Variants in NRXN1 observed in about 807,000 individuals in gnomAD.
NRXN1 encodes the protein neurexin 1, also known as neurexin-1.
In NRXN1, 39 loss-of-function variants were observed where a neutral mutation model predicts 150.9. The ratio of observed to expected loss-of-function variants is 0.26; its 90% confidence interval spans 0.20 to 0.34. The LOEUF (loss-of-function observed/expected upper bound fraction) is 0.34, where lower values mean the gene tolerates loss of function less well. NRXN1 is among the 10% of genes least tolerant of loss of function. The probability of loss-of-function intolerance (pLI) is 1.00; values close to 1 mark genes in which losing one functional copy is unlikely to be tolerated. For missense variants in NRXN1, 1,815 were observed against 1,949.9 expected (o/e 0.93, Z 1.30); for synonymous variants, 924 against 757.0 (o/e 1.22, Z -3.62).
intron 5 of NRXN1, among the ~76,000 whole-genome samples, chr2:50,844,580 A>C (rs1673360752): frequency 6.6e-6 from 1 of 152,206 alleles, no homozygotes; most frequent in South Asian, 2.1e-4. Flanking sequence ...CATTTCTTAC[A>C]AAAAGAGAAG....
intron 5 of NRXN1, among the ~76,000 whole-genome samples, chr2:50,767,390 T>C (rs1302611477): frequency 1.3e-5 from 2 of 152,108 alleles, no homozygotes; most frequent in East Asian, 1.9e-4. Flanking sequence ...AATTCATTAA[T>C]TTTAAAATCT....
At chr2:50,994,349 A>G (rs535010300) in intron 2 of NRXN1, among the ~76,000 whole-genome samples, 1 of 152,184 alleles carries the variant, frequency 6.6e-6, no homozygotes, top group South Asian at 2.1e-4. Context: ...ACACTTATTA[A>G]AAGAAAAAAT....
At chr2:50,922,521 T>C (rs1686193906) in intron 4 of NRXN1, 137 bp downstream of exon 4, 1 of 855,938 alleles carries the variant, frequency 1.2e-6, no homozygotes, top group African/African-American at 1.7e-5. Context: ...CATGAAAAAA[T>C]GTGAACAAAA....
intron 17 of NRXN1, among the ~76,000 whole-genome samples, chr2:50,309,999 C>T (rs1323488144): frequency 1.3e-5 from 2 of 152,168 alleles, no homozygotes; most frequent in Non-Finnish European, 2.9e-5. Flanking sequence ...TAAAAGAAAG[C>T]TTGCTATGTT....
intron 18 of NRXN1, among the ~76,000 whole-genome samples, chr2:50,187,937 C>G (rs1263558638): frequency 2.6e-5 from 4 of 151,972 alleles, no homozygotes; most frequent in Non-Finnish European, 5.9e-5. Flanking sequence ...GATTTTGTAT[C>G]CTGAGACTTT....
chr2:50,058,961 C>T (rs1288023590), intron 19 of NRXN1, among the ~76,000 whole-genome samples: 1 of 152,070 alleles, frequency 6.6e-6, no homozygotes, highest in Non-Finnish European at 1.5e-5. Flanking sequence ...TTCTTCACAG[C>T]AGTATGAAAA....
At chr2:50,414,644 A>C (rs2083413646) in intron 17 of NRXN1, among the ~76,000 whole-genome samples, 1 of 151,876 alleles carries the variant, frequency 6.6e-6, no homozygotes, top group Admixed American at 6.6e-5. Context: ...AATCATAATC[A>C]CTCCTAAAGT....
intron 17 of NRXN1, among the ~76,000 whole-genome samples, chr2:50,267,099 G>A (rs913396719): frequency 1.3e-5 from 2 of 152,108 alleles, no homozygotes; most frequent in African/African-American, 4.8e-5. Flanking sequence ...TGCTCTGTGA[G>A]GTTGTCAGAA....
chr2:50,280,817 A>C (rs905184939), intron 17 of NRXN1, among the ~76,000 whole-genome samples: 1 of 152,136 alleles, frequency 6.6e-6, no homozygotes, highest in Non-Finnish European at 1.5e-5. Context: ...GAAGAATATG[A>C]TTAATGAAAG....
chr2:51,017,469 G>A (rs1229217733), intron 2 of NRXN1, among the ~76,000 whole-genome samples: 1 of 137,718 alleles, frequency 7.3e-6, no homozygotes, highest in African/African-American at 2.7e-5. Flanking sequence ...CTGACTAGCT[G>A]GGACTACAAT....
chr2:51,002,689 A>G (rs567136706), intron 2 of NRXN1, among the ~76,000 whole-genome samples: 1 of 152,050 alleles, frequency 6.6e-6, no homozygotes, highest in East Asian at 1.9e-4. Context: ...GAAATATTAC[A>G]TCATACATGC....
At chr2:50,697,157 A>G (rs1693022910) in intron 5 of NRXN1, among the ~76,000 whole-genome samples, 3 of 152,294 alleles carry the variant, frequency 2.0e-5, no homozygotes, top group South Asian at 4.1e-4. Flanking sequence ...GAGAAATAAA[A>G]TATACTTTAC....
At chr2:50,098,830 G>GTGTTTTTTTTTTTTGGT (rs1700590439) in intron 18 of NRXN1, among the ~76,000 whole-genome samples, 1 of 105,542 alleles carries the variant, frequency 9.5e-6, no homozygotes, top group African/African-American at 3.5e-5. Context: ...TTTGGTTTTA[G>GTGTTTTTTTTTTTTGGT]TTTTTTTTTT....
intron 5 of NRXN1, among the ~76,000 whole-genome samples, chr2:50,701,007 T>G (rs536147879): frequency 6.6e-6 from 1 of 152,134 alleles, no homozygotes; most frequent in East Asian, 1.9e-4. Context: ...GTCCGAAGGG[T>G]GCTTCTTCCA....
At chr2:50,699,369 T>C (rs1305426045) in intron 5 of NRXN1, among the ~76,000 whole-genome samples, 1 of 152,188 alleles carries the variant, frequency 6.6e-6, no homozygotes, top group Non-Finnish European at 1.5e-5. Flanking sequence ...ATTAATGTTA[T>C]AGATCTAGAA....
chr2:50,181,223 A>C (rs1423735300), intron 18 of NRXN1, among the ~76,000 whole-genome samples: 2 of 149,080 alleles, frequency 1.3e-5, no homozygotes, highest in Non-Finnish European at 3.0e-5. Flanking sequence ...GAAAACATGA[A>C]ACAATTTAAT....
At chr2:50,640,686 G>T (rs1240465286) in intron 5 of NRXN1, among the ~76,000 whole-genome samples, 1 of 152,174 alleles carries the variant, frequency 6.6e-6, no homozygotes, top group Non-Finnish European at 1.5e-5. Flanking sequence ...AATATCATCT[G>T]AGAGTAATAT....
At chr2:50,905,793 C>CA (rs1574890131) in intron 5 of NRXN1, among the ~76,000 whole-genome samples, 1 of 152,030 alleles carries the variant, frequency 6.6e-6, no homozygotes, top group East Asian at 1.9e-4. Flanking sequence ...TTATGTTCCA[C>CA]AAAGGGCTTT....
chr2:50,850,511 CCTT>C (rs2105973960), intron 5 of NRXN1, among the ~76,000 whole-genome samples: 1 of 152,224 alleles, frequency 6.6e-6, no homozygotes, highest in South Asian at 2.1e-4. Flanking sequence ...GGCTCAGAGT[CCTT>C]CTCAACATCA....
Sources: gnomAD v4.1 joint callset for allele counts (sites outside exome capture counted in the v4.1 genomes callset) on GRCh38, gnomAD v4.1.1 for gene constraint, MANE v1.5 for transcripts, NCBI Gene and HGNC (gene_info 2026-07-23, HGNC 2026-07-21) for gene names.